RYR2: variants seen among roughly 807,000 people sequenced by gnomAD.
RYR2 encodes ryanodine receptor 2.
In RYR2, 227 loss-of-function variants were observed where a neutral mutation model predicts 601.1. That is an observed-to-expected ratio of 0.38 (90% confidence interval 0.34 to 0.42). RYR2 has a LOEUF of 0.42. RYR2 is among the 10% of genes least tolerant of loss of function. The probability of loss-of-function intolerance (pLI) is 1.00; values close to 1 mark genes in which losing one functional copy is unlikely to be tolerated. For synonymous variants in RYR2, 2,223 were observed against 2,175.1 expected, an observed-to-expected ratio of 1.02 and a Z score of -0.61; for missense variants, 4,646 against 6,156.5, an observed-to-expected ratio of 0.75 and a Z score of 8.21.
chr1:237,198,022 A>G (rs1434444617), intron 1 of RYR2, among the ~76,000 whole-genome samples: 1 of 152,240 alleles, frequency 6.6e-6, no homozygotes, highest in Non-Finnish European at 1.5e-5. Flanking sequence ...ACACATGGAC[A>G]TATTTTTGCT....
chr1:237,246,054 A>C (rs1319247362), intron 1 of RYR2, among the ~76,000 whole-genome samples: 1 of 151,426 alleles, frequency 6.6e-6, no homozygotes, highest in Non-Finnish European at 1.5e-5. Context: ...TGCTGGGATT[A>C]CAGGCGTGAG....
In RYR2 at chr1:237,610,771, C is replaced by G. The variant is rs778783933; in HGVS notation, c.4693C>G (p.Pro1565Ala). ...FELGRIKNVM[P>A]LSAGLFKSEH... Reference sequence around the variant, plus strand: ...CCTCCCCATCCGCTAGAATGTGATGCCTCTCTCGGCGGGATTATTCAAGAG... The same window carrying G: ...CCTCCCCATCCGCTAGAATGTGATGGCTCTCTCGGCGGGATTATTCAAGAG... The change falls in exon 36 of 105, where the codon CCT becomes GCT. Residue 1565 changes from proline (P) to alanine (A), a missense_variant. By Grantham distance (27) the Pro-to-Ala change is conservative. Coordinates refer to ENST00000366574, the MANE Select transcript of RYR2 (RefSeq NM_001035.3). This position sits in a 1 kb window ranked among gnomAD's most constrained non-coding sequence, Gnocchi z 4.9. 4.6e-5 allele frequency: 73 copies of G among 1,603,052 alleles called. 3 individuals are homozygous for G. In the South Asian group the frequency reaches 7.9e-4, roughly 17 times the overall value.
Position 237,832,769 on chromosome 1 carries a change from G to A in RYR2, c.*122G>A. On this transcript the variant is annotated 3_prime_UTR_variant, in exon 105 of 105. Coordinates refer to ENST00000366574, the MANE Select transcript of RYR2 (RefSeq NM_001035.3). ...AATTGCCAGCGTTGTGTGTTTTCTG[G>A]GAGCATCGAAGCTCTGTTTCGGAAG... 1 of 566,856 alleles carries A rather than the reference G, an allele frequency of 1.8e-6. No individual in the cohort carries two copies. Among genetic ancestry groups the A allele is most frequent in the Non-Finnish European group, 3.1e-6 (1 of 319,404 alleles). The allele number at this position is 566,856 out of a possible 1,614,324, so 35.1% of individuals were successfully genotyped here. A position where few individuals can be genotyped will look rare whatever the true frequency, so the allele number is the denominator to read the frequency against.
intron 3 of RYR2, among the ~76,000 whole-genome samples, chr1:237,350,596 A>AT (rs1698716577): frequency 1.1e-5 from 1 of 87,552 alleles, no homozygotes; most frequent in African/African-American, 4.7e-5. Context: ...AAAAAAAAAA[A>AT]AAAAAAATAT....
At chr1:237,075,140 T>C (rs1664855241) in intron 1 of RYR2, among the ~76,000 whole-genome samples, 1 of 152,220 alleles carries the variant, frequency 6.6e-6, no homozygotes, top group Non-Finnish European at 1.5e-5. Flanking sequence ...AGCAACATTT[T>C]GGAAAGCCTG....
At position 237,180,734 on chromosome 1, in the gene RYR2, A is replaced by G. The variant is rs1302268021; in HGVS notation, c.49-89763A>G. On this transcript the variant is annotated intron_variant, in intron 1 of 104. Transcript: ENST00000366574. This position sits in a 1 kb window ranked among gnomAD's most constrained non-coding sequence, Gnocchi z 5.3. ...CACATATATACATATACATAGATAT[A>G]TGCTATTATATAATAAATATTAATA... Among the ~76,000 whole-genome samples, 2 of 148,008 alleles carry G rather than the reference A, an allele frequency of 1.4e-5. No individual in the cohort carries two copies. Among genetic ancestry groups the G allele is most frequent in the Non-Finnish European group, 3.0e-5 (2 of 67,244 alleles).
rs937266315 is a variant in RYR2, at chr1:237,239,327, G to A, written c.49-31170G>A. ...TAACAGGCAACAGAAAGTGAAAAGC[G>A]CTCTCTCCTGCAGAGAGAGGGGCTT... is the stretch of plus-strand genomic sequence containing the variant. On this transcript the variant is annotated intron_variant, in intron 1 of 104. Transcript: ENST00000366574. Among the ~76,000 whole-genome samples, 12 of 152,162 alleles carry A rather than the reference G, an allele frequency of 7.9e-5. No individual in the cohort carries two copies. The South Asian group carries it at 1.0e-3, about 13-fold the overall frequency.
At chr1:237,088,955 C>G (rs1666654866) in intron 1 of RYR2, among the ~76,000 whole-genome samples, 1 of 152,224 alleles carries the variant, frequency 6.6e-6, no homozygotes, top group South Asian at 2.1e-4. Flanking sequence ...TCCACTGTAA[C>G]AGGAGAAGCC....
At chr1:237,095,717 G>C (rs934340508) in intron 1 of RYR2, among the ~76,000 whole-genome samples, 2 of 152,192 alleles carry the variant, frequency 1.3e-5, no homozygotes, top group African/African-American at 4.8e-5. Context: ...GTCCCAGCTG[G>C]GGAGATTATA....
At position 237,733,885 on chromosome 1, in the gene RYR2, T is replaced by C. The variant is rs1318279629; in HGVS notation, c.11091+129T>C. ...TTGTTTGTAGCATGAATCTCCGTTC[T>C]AAATTCCATGGCAGGTCATCATTGT... On this transcript the variant is annotated intron_variant, in intron 79 of 104. Coordinates refer to ENST00000366574, the MANE Select transcript of RYR2 (RefSeq NM_001035.3). 8 of 692,434 alleles carry C rather than the reference T, an allele frequency of 1.2e-5. No homozygotes were observed. The East Asian group carries it at 2.2e-4, about 19-fold the overall frequency. The allele number at this position is 692,434 out of a possible 1,614,324, so 42.9% of individuals were successfully genotyped here.
At position 237,674,186 on chromosome 1, in the gene RYR2, A is replaced by G. The variant is rs1374749880; in HGVS notation, c.8681A>G (p.Lys2894Arg). The stretch of plus-strand genomic sequence containing the variant: ...AGAGAAAAAGCACAGGACATCCTCA[A>G]GTTCTTGCAGATCAATGGATATGCT... The part of the protein sequence containing the change: ...KDREKAQDIL[K>R]FLQINGYAVS... Residue 2894 changes from lysine to arginine, a missense_variant, in exon 59 of 105, where the codon AAG (lysine) becomes AGG (arginine). By Grantham distance (26) the Lys-to-Arg change is conservative. Transcript: ENST00000366574. 23 of 1,612,406 alleles carry G rather than the reference A, an allele frequency of 1.4e-5. No individual in the cohort carries two copies. The highest frequency in any genetic ancestry group is 1.9e-5 in the Non-Finnish European group (22 of 1,178,674).
intron 1 of RYR2, among the ~76,000 whole-genome samples, chr1:237,053,845 G>A (rs1259088294): frequency 6.6e-6 from 1 of 152,172 alleles, no homozygotes. Context: ...TCTAAGGCTT[G>A]GTGGAGGAGG....
Position 237,500,902 on chromosome 1 carries a change from A to C in RYR2, c.2395A>C (p.Lys799Gln), listed in dbSNP as rs1249050795. 1 of 1,613,810 alleles carries C rather than the reference A, an allele frequency of 6.2e-7. No homozygotes were observed. The highest frequency in any genetic ancestry group is 8.5e-7 in the Non-Finnish European group (1 of 1,179,710). ...FPVVSFSAGI[K>Q]VRFLLGGRHG... ...AGTCGTTAGTTTCTCTGCAGGAATA[A>C]AGTTAGTATGTCTATGTTTTTTGGT... Residue 799 changes from lysine (K) to glutamine (Q), a missense_variant and splice_region_variant, in exon 21 of 105, where the codon AAA (lysine) becomes CAA (glutamine). Transcript: ENST00000366574.
chr1:237,473,161 C>T (rs1660929061), intron 17 of RYR2, among the ~76,000 whole-genome samples: 1 of 152,064 alleles, frequency 6.6e-6, no homozygotes, highest in Non-Finnish European at 1.5e-5. Context: ...TGGTGGCTCA[C>T]ACCTGTAATC....
chr1:237,465,707 C>T (rs972708297), intron 16 of RYR2, among the ~76,000 whole-genome samples: 3 of 152,258 alleles, frequency 2.0e-5, no homozygotes, highest in South Asian at 2.1e-4. Context: ...TGGCCTACTG[C>T]GCGTCTACGC....
intron 27 of RYR2, among the ~76,000 whole-genome samples, chr1:237,553,673 G>T (rs980923420): frequency 3.3e-5 from 5 of 151,882 alleles, no homozygotes; most frequent in Admixed American, 1.3e-4. Flanking sequence ...TCATGAACAT[G>T]GTACATTTGT....
At position 237,456,703 on chromosome 1, in the gene RYR2, A is replaced by G. The variant is rs764621957; in HGVS notation, c.1580A>G (p.Lys527Arg). The change falls in exon 16 of 105, where the codon AAA becomes AGA. Residue 527 changes from lysine (K) to arginine (R), a missense_variant. Lys to Arg is a conservative substitution (Grantham distance 26, BLOSUM62 2). Coordinates refer to ENST00000366574, the MANE Select transcript of RYR2 (RefSeq NM_001035.3). ...GGGCGAGAAGCAGGAGAGTCTTGGAAATCCATTCTGAATTCTCTGTATGAG... is the reference window on the plus strand; with the variant it reads ...GGGCGAGAAGCAGGAGAGTCTTGGAGATCCATTCTGAATTCTCTGTATGAG... ...VAGREAGESW[K>R]SILNSLYELL... is the part of the protein sequence containing the mutation. 1.2e-6 allele frequency: 2 copies of G among 1,613,676 alleles called. No homozygotes were observed. The highest frequency in any genetic ancestry group is 2.2e-5 in the East Asian group (1 of 44,870).
At chr1:237,669,279 T>C (rs1343543218) in intron 58 of RYR2, among the ~76,000 whole-genome samples, 1 of 152,146 alleles carries the variant, frequency 6.6e-6, no homozygotes, top group Non-Finnish European at 1.5e-5. Flanking sequence ...TATACTTCTT[T>C]CTACACAGAC....
intron 12 of RYR2, among the ~76,000 whole-genome samples, chr1:237,423,572 A>G (rs1705805812): frequency 6.6e-6 from 1 of 152,170 alleles, no homozygotes; most frequent in Non-Finnish European, 1.5e-5. Context: ...AATACCTATT[A>G]TACGTCATCA....
Sources: gnomAD v4.1 joint callset for allele counts (sites outside exome capture counted in the v4.1 genomes callset) on GRCh38, gnomAD v4.1.1 for gene constraint, Gnocchi (gnomAD v3.1) non-coding constraint, MANE v1.5 for transcripts, NCBI Gene and HGNC (gene_info 2026-07-23, HGNC 2026-07-21) for gene names.